Variants in TMEM74 observed in about 807,000 individuals in gnomAD.
TMEM74 encodes transmembrane protein 74.
A neutral mutation model predicts 18.1 loss-of-function variants in TMEM74; 13 were observed. That is an observed-to-expected ratio of 0.72 (90% CI 0.47 to 1.14). The LOEUF is 1.14. Among genes scored for constraint, TMEM74 ranks in the 50% most tolerant of loss-of-function variants. TMEM74 has a pLI of 0.00. For synonymous variants in TMEM74, 159 were observed against 146.6 expected (o/e 1.08, Z -0.61); for missense variants, 372 against 375.9 (o/e 0.99, Z 0.09).
chr8:108,784,728 T>C lies in TMEM74; in HGVS notation c.371A>G (p.Asn124Ser). The C allele has an allele frequency of 1.2e-6, 2 of 1,614,190 alleles. No homozygotes were observed. The highest frequency in any genetic ancestry group is 1.7e-6 in the Non-Finnish European group (2 of 1,180,024). Residue 124 changes from asparagine to serine, a missense_variant, in exon 2 of 2, where the codon AAC becomes AGC. Asn to Ser is a conservative substitution (Grantham distance 46). Transcript: ENST00000297459. ...CCCTTTTGCTGATGGCGAGCTCCGG[T>C]TCCGCTGCTCCAAGTTGATGTTTTT... ...VDKNINLEQR[N>S]RSSPSAKGHN...
chr8:108,670,571 C>A (rs1208340466), intron 1 of TMEM74, among the ~76,000 whole-genome samples: 1 of 152,178 alleles, frequency 6.6e-6, no homozygotes, highest in Non-Finnish European at 1.5e-5. Context: ...TATTTTGATA[C>A]TTTCTTTACT....
At chr8:108,674,032 T>C (rs1813029740) in intron 1 of TMEM74, among the ~76,000 whole-genome samples, 1 of 152,166 alleles carries the variant, frequency 6.6e-6, no homozygotes, top group Non-Finnish European at 1.5e-5. Context: ...ACTAGGTAAA[T>C]TCAGCTTGAA....
chr8:108,732,432 T>C (rs185903179), intron 1 of TMEM74, among the ~76,000 whole-genome samples: 137 of 152,196 alleles, frequency 9.0e-4, no homozygotes, highest in African/African-American at 3.2e-3. Flanking sequence ...TATTTGGAAA[T>C]GCAAAGGACC....
chr8:108,673,969 T>G (rs541382301), intron 1 of TMEM74, among the ~76,000 whole-genome samples: 2 of 152,180 alleles, frequency 1.3e-5, no homozygotes, highest in Admixed American at 1.3e-4. Context: ...AAAAATTTCC[T>G]ATTATTTTTA....
At position 108,657,876 on chromosome 8, in the gene TMEM74, A is replaced by AT. The variant is rs1451941135; in HGVS notation, n.120-2440dup. On this transcript the variant is annotated intron_variant and non_coding_transcript_variant, in intron 1 of 3. Coordinates refer to the TMEM74 transcript ENST00000518838. Reference sequence around the variant, plus strand: ...AAAAAAAAAATATATATATATATATATATATATATATATATATATATATAT... The same window carrying AT: ...AAAAAAAAAATATATATATATATATATTATATATATATATATATATATATAT... 1.2e-4 allele frequency among the ~76,000 whole-genome samples: 11 copies of AT among 94,548 alleles called. 1 individual carries two copies. The highest frequency in any genetic ancestry group is 4.9e-4 in the African/African-American group (11 of 22,390). The allele number at this position is 94,548 out of a possible 152,430, so 62.0% of individuals were successfully genotyped here.
intron 1 of TMEM74, among the ~76,000 whole-genome samples, chr8:108,717,140 C>T (rs543253469): frequency 4.5e-4 from 68 of 151,860 alleles, no homozygotes; most frequent in African/African-American, 1.6e-3. Context: ...TACATATCAA[C>T]GTTACTTATA....
intron 1 of TMEM74, among the ~76,000 whole-genome samples, chr8:108,733,315 T>C (rs1813713902): frequency 6.6e-6 from 1 of 152,132 alleles, no homozygotes; most frequent in South Asian, 2.1e-4. Context: ...GGAAAAGCCA[T>C]TAAAATAAAT....
chr8:108,784,841 G>T lies in TMEM74; in HGVS notation c.258C>A (p.Leu86=). 6.2e-7 allele frequency: 1 copy of T among 1,614,188 alleles called. No homozygotes were observed. Among genetic ancestry groups the T allele is most frequent in the South Asian group, 1.1e-5 (1 of 91,074 alleles). Residue 86 remains leucine, a synonymous_variant, in exon 2 of 2, where the codon CTC becomes CTA. Coordinates refer to ENST00000297459, the MANE Select transcript of TMEM74 (RefSeq NM_153015.3). ...CTGTTATTTGGTTGTTCCCTGAGTG[G>T]AGAAGTCCTGGTGGAAAGGCATCTG... ...LQPDAFPPGL[L]HSGNNQITAE...
At chr8:108,683,870 G>T (rs1365487914) in intron 1 of TMEM74, among the ~76,000 whole-genome samples, 1 of 151,984 alleles carries the variant, frequency 6.6e-6, no homozygotes, top group African/African-American at 2.4e-5. Context: ...TTCGTTTGCT[G>T]GTTTATTTCA....
intron 2 of TMEM74, among the ~76,000 whole-genome samples, chr8:108,621,886 C>T (rs562980789): frequency 3.3e-5 from 5 of 152,184 alleles, no homozygotes; most frequent in Admixed American, 6.6e-5. Context: ...TACAACAGAG[C>T]CAGGCACAAA....
chr8:108,693,646 C>A (rs779869558), intron 1 of TMEM74, among the ~76,000 whole-genome samples: 1 of 152,118 alleles, frequency 6.6e-6, no homozygotes, highest in African/African-American at 2.4e-5. Flanking sequence ...TAAATAGGTA[C>A]GGGGTGGTGT....
intron 1 of TMEM74, among the ~76,000 whole-genome samples, chr8:108,693,807 T>A (rs1349262939): frequency 6.6e-6 from 1 of 152,176 alleles, no homozygotes; most frequent in Non-Finnish European, 1.5e-5. Context: ...TAAAGAATAA[T>A]ACACGAAGCA....
intron 2 of TMEM74, among the ~76,000 whole-genome samples, chr8:108,621,893 C>T (rs1251176165): frequency 6.6e-6 from 1 of 152,064 alleles, no homozygotes; most frequent in African/African-American, 2.4e-5. Flanking sequence ...GAGCCAGGCA[C>T]AAAATAAGCA....
intron 1 of TMEM74, among the ~76,000 whole-genome samples, chr8:108,709,518 G>A (rs1003654709): frequency 2.6e-5 from 4 of 152,080 alleles, no homozygotes; most frequent in African/African-American, 9.7e-5. Context: ...GGTTGCCAGG[G>A]GCAGGGGAGT....
At position 108,781,793 on chromosome 8, in the gene TMEM74, C is replaced by T. The variant is rs944097369; in HGVS notation, c.*2388G>A. ...TTCTCCCCCGTTGAATATTTTTTTT[C>T]CAAAATGGCATTTTTCAAAATGTTA... On this transcript the variant is annotated 3_prime_UTR_variant, in exon 2 of 2. Transcript: ENST00000297459. 5.9e-5 allele frequency among the ~76,000 whole-genome samples: 9 copies of T among 151,794 alleles called. No individual in the cohort carries two copies. Among genetic ancestry groups the T allele is most frequent in the Non-Finnish European group, 1.0e-4 (7 of 67,892 alleles).
intron 1 of TMEM74, among the ~76,000 whole-genome samples, chr8:108,657,857 AAAATATATATATATAT>A (rs1353235800): frequency 6.4e-5 from 4 of 62,288 alleles, no homozygotes; most frequent in Non-Finnish European, 8.5e-5. Flanking sequence ...AAAAAAAAAA[AAAATATATATATATAT>A]ATATATATAT....
At chr8:108,695,920 TCTCTTCCTTCTGGTGCCTGTG>T (rs1813277546) in intron 1 of TMEM74, among the ~76,000 whole-genome samples, 1 of 152,166 alleles carries the variant, frequency 6.6e-6, no homozygotes, top group Non-Finnish European at 1.5e-5. Flanking sequence ...AGTGAATTAT[TCTCTTCCTTCTGGTGCCTGTG>T]CTCTGCCCTC....
In TMEM74 at chr8:108,754,244, C is replaced by T. The variant is rs141020220; in HGVS notation, n.119+33232G>A. Among the ~76,000 whole-genome samples, 39 of 152,106 alleles carry T rather than the reference C, an allele frequency of 2.6e-4. No homozygotes were observed. In the East Asian group the frequency reaches 7.0e-3, roughly 27 times the overall value. On this transcript the variant is annotated intron_variant and non_coding_transcript_variant, in intron 1 of 3. Coordinates refer to the TMEM74 transcript ENST00000518838. ...GACATGTATTTTATTTCAACAAATGCTAAAATTCCATATGTAGTTCTTATT... is the reference window on the plus strand; with the variant it reads ...GACATGTATTTTATTTCAACAAATGTTAAAATTCCATATGTAGTTCTTATT...
chr8:108,711,352 C>G (rs1813473482), intron 1 of TMEM74, among the ~76,000 whole-genome samples: 1 of 152,180 alleles, frequency 6.6e-6, no homozygotes, highest in South Asian at 2.1e-4. Flanking sequence ...ACTCTCTATT[C>G]CAAGCAGACT....
Sources: allele counts gnomAD v4.1 joint callset (sites outside exome capture counted in the v4.1 genomes callset), GRCh38; gene constraint gnomAD v4.1.1; transcripts MANE v1.5; gene names NCBI Gene and HGNC (gene_info 2026-07-23, HGNC 2026-07-21).